The following CLSTN2 variants were observed in gnomAD, a reference collection of about 807,000 sequenced individuals.
CLSTN2 encodes the protein calsyntenin 2.
In CLSTN2, 48 loss-of-function variants were observed where a neutral mutation model predicts 101.2. The observed-to-expected ratio is 0.47, with a 90% CI of 0.38 to 0.60. The LOEUF (loss-of-function observed/expected upper bound fraction) is 0.60, where lower values mean the gene tolerates loss of function less well. Ranked by LOEUF, CLSTN2 falls within the 20% of genes least tolerant of loss-of-function variation. CLSTN2 has a pLI of 0.00. For synonymous variants in CLSTN2, 481 were observed against 463.6 expected (o/e 1.04, Z -0.48); for missense variants, 1,160 against 1,238.2 (o/e 0.94, Z 0.95).
chr3:140,484,569 A>G (rs1188762530), intron 8 of CLSTN2, among the ~76,000 whole-genome samples: 1 of 151,042 alleles, frequency 6.6e-6, no homozygotes, highest in Non-Finnish European at 1.5e-5. Context: ...TTTCCAACTT[A>G]GTTCCATTCT....
rs60541490 is a variant in CLSTN2, at chr3:139,998,336, C to CTTTTTTTTTTTTTTTTTTTTTTTTTTTT, written c.109+62873_109+62874insTTTTTTTTTTTTTTTTTTTTTTTTTTTT. On this transcript the variant is annotated intron_variant, in intron 1 of 16. Coordinates refer to ENST00000458420, the MANE Select transcript of CLSTN2 (RefSeq NM_022131.3). ...ATGGGATAATAGTTCCCCCACATGC[C>CTTTTTTTTTTTTTTTTTTTTTTTTTTTT]TTTTTTTTTTTTTTTTTTTTGTGAC... Among the ~76,000 whole-genome samples, 28 of 66,812 alleles carry CTTTTTTTTTTTTTTTTTTTTTTTTTTTT rather than the reference C, an allele frequency of 4.2e-4. 5 individuals are homozygous for CTTTTTTTTTTTTTTTTTTTTTTTTTTTT. The highest frequency in any genetic ancestry group is 6.5e-4 in the East Asian group (1 of 1,540). The allele number at this position is 66,812 out of a possible 152,430, so 43.8% of individuals were successfully genotyped here.
intron 12 of CLSTN2, among the ~76,000 whole-genome samples, chr3:140,559,369 C>T (rs76138115): frequency 0.028 from 4,259 of 152,024 alleles, 216 homozygotes; most frequent in African/African-American, 0.096. Context: ...ATAGCTGCAT[C>T]TTTATATATA....
intron 1 of CLSTN2, among the ~76,000 whole-genome samples, chr3:139,989,859 G>A (rs1936088270): frequency 6.6e-6 from 1 of 152,124 alleles, no homozygotes; most frequent in Admixed American, 6.5e-5. Flanking sequence ...TGCAATCTAT[G>A]TGAAATTGAA....
At chr3:140,043,309 G>A (rs185192731) in intron 1 of CLSTN2, among the ~76,000 whole-genome samples, 29 of 152,290 alleles carry the variant, frequency 1.9e-4, no homozygotes, top group African/African-American at 6.3e-4. Flanking sequence ...TCTGTTGGCT[G>A]CATAAATGTC....
At chr3:140,194,466 C>T (rs988317304) in intron 2 of CLSTN2, among the ~76,000 whole-genome samples, 2 of 152,054 alleles carry the variant, frequency 1.3e-5, no homozygotes, top group African/African-American at 4.8e-5. Flanking sequence ...AACATTCAGT[C>T]TGTAGCAGTT....
chr3:140,411,361 T>A (rs997323335), intron 4 of CLSTN2, among the ~76,000 whole-genome samples: 9 of 152,130 alleles, frequency 5.9e-5, no homozygotes, highest in African/African-American at 2.2e-4. Flanking sequence ...AAAAAGTAAA[T>A]TCATCAAGAA....
intron 12 of CLSTN2, among the ~76,000 whole-genome samples, chr3:140,561,273 C>A (rs1235828525): frequency 6.6e-6 from 1 of 152,014 alleles, no homozygotes; most frequent in Non-Finnish European, 1.5e-5. Context: ...TAATAGTACC[C>A]CCTTTTAATG....
At chr3:140,260,157 T>TAA (rs199546831) in intron 2 of CLSTN2, among the ~76,000 whole-genome samples, 2 of 144,260 alleles carry the variant, frequency 1.4e-5, no homozygotes, top group African/African-American at 5.1e-5. Flanking sequence ...TATATATATA[T>TAA]TATATATAAA....
intron 1 of CLSTN2, among the ~76,000 whole-genome samples, chr3:139,984,778 AG>A (rs968069829): frequency 2.6e-5 from 4 of 152,282 alleles, no homozygotes; most frequent in African/African-American, 9.6e-5. Flanking sequence ...AGTTTCCAAA[AG>A]TTATACCTCT....
chr3:140,198,732 G>A (rs1449090236), intron 2 of CLSTN2, among the ~76,000 whole-genome samples: 5 of 152,120 alleles, frequency 3.3e-5, no homozygotes, highest in African/African-American at 1.2e-4. Flanking sequence ...CCATTATGTA[G>A]GTACTTAATC....
At chr3:140,314,761 A>C (rs1483595993) in intron 2 of CLSTN2, among the ~76,000 whole-genome samples, 5 of 152,032 alleles carry the variant, frequency 3.3e-5, no homozygotes, top group African/African-American at 9.7e-5. Context: ...TGTGCTGTTC[A>C]CCATGGTTCC....
At chr3:140,383,832 G>A (rs1446302795) in intron 2 of CLSTN2, among the ~76,000 whole-genome samples, 1 of 152,226 alleles carries the variant, frequency 6.6e-6, no homozygotes, top group Non-Finnish European at 1.5e-5. Context: ...TCTCACATTG[G>A]CCCAGTGGGG....
chr3:140,558,878 G>T (rs1364692837), intron 12 of CLSTN2, 21 bp downstream of exon 12: 2 of 1,601,880 alleles, frequency 1.2e-6, no homozygotes, highest in African/African-American at 1.3e-5. Flanking sequence ...ATTTGAGTTT[G>T]TGGGGAGGGT....
chr3:140,420,114 A>C (rs1296671893), intron 4 of CLSTN2, among the ~76,000 whole-genome samples: 1 of 151,520 alleles, frequency 6.6e-6, no homozygotes, highest in Admixed American at 6.6e-5. Context: ...GGCTGGTCTC[A>C]AACTCCTGTC....
At chr3:139,974,936 G>A (rs1452002025) in intron 1 of CLSTN2, among the ~76,000 whole-genome samples, 1 of 152,114 alleles carries the variant, frequency 6.6e-6, no homozygotes, top group Non-Finnish European at 1.5e-5. Context: ...GTAGTGGTGT[G>A]GCCAAGATTA....
intron 1 of CLSTN2, among the ~76,000 whole-genome samples, chr3:139,965,100 G>A (rs1441252622): frequency 6.6e-6 from 1 of 152,160 alleles, no homozygotes; most frequent in African/African-American, 2.4e-5. Context: ...TTGGCCCCAC[G>A]AAGTTTGCAT....
At chr3:140,358,001 A>G (rs988447182) in intron 2 of CLSTN2, among the ~76,000 whole-genome samples, 7 of 152,176 alleles carry the variant, frequency 4.6e-5, no homozygotes, top group Non-Finnish European at 2.9e-5. Flanking sequence ...AGCCAGGCTG[A>G]CACTGAGGGA....
intron 4 of CLSTN2, among the ~76,000 whole-genome samples, chr3:140,411,676 ACT>A (rs993921741): frequency 2.6e-5 from 4 of 152,182 alleles, no homozygotes; most frequent in African/African-American, 9.6e-5. Flanking sequence ...TTTCAATGAA[ACT>A]CTTCAAGTTT....
Position 140,404,757 on chromosome 3 carries a change from G to A in CLSTN2, c.628G>A (p.Asp210Asn), listed in dbSNP as rs756136789. 1.8e-5 allele frequency: 29 copies of A among 1,613,986 alleles called. No individual in the cohort carries two copies. Among genetic ancestry groups the A allele is most frequent in the African/African-American group, 2.7e-5 (2 of 74,910 alleles). The change falls in exon 4 of 17, where the codon GAC becomes AAC. Residue 210 changes from aspartate (D) to asparagine (N), a missense_variant. Coordinates refer to ENST00000458420, the MANE Select transcript of CLSTN2 (RefSeq NM_022131.3). ...IVTTDVPFAI[D>N]RNGNIRNTEK... ...CACCACAGATGTGCCTTTTGCCATC[G>A]ACAGAAATGGTGAGTGACCTCAGAG... is the stretch of plus-strand genomic sequence containing the variant.
Sources: allele counts gnomAD v4.1 joint callset (sites outside exome capture counted in the v4.1 genomes callset), GRCh38; gene constraint gnomAD v4.1.1; transcripts MANE v1.5; gene names NCBI Gene and HGNC (gene_info 2026-07-23, HGNC 2026-07-21).